PBX4: variants seen among roughly 807,000 people sequenced by gnomAD.
The protein encoded by PBX4 is PBX homeobox 4, also known as pre-B-cell leukemia transcription factor 4.
PBX4 carries 26 observed loss-of-function variants against 35.1 expected under a neutral mutation model. That is an observed-to-expected ratio of 0.74 (90% CI 0.54 to 1.03). The LOEUF (loss-of-function observed/expected upper bound fraction) is 1.03. PBX4 is among the 50% of genes least tolerant of loss of function. The probability of loss-of-function intolerance (pLI) is 0.00; values close to 1 mark genes in which losing one functional copy is unlikely to be tolerated. For synonymous variants in PBX4, 199 were observed against 204.2 expected, an observed-to-expected ratio of 0.97 and a Z score of 0.22; for missense variants, 448 against 504.3, an observed-to-expected ratio of 0.89 and a Z score of 1.07.
intron 2 of PBX4, among the ~76,000 whole-genome samples, chr19:19,577,389 C>G (rs560738536): frequency 1.3e-5 from 2 of 152,230 alleles, no homozygotes; most frequent in East Asian, 3.9e-4. Flanking sequence ...GGTACTGACA[C>G]CTACAAAGAT....
intron 1 of PBX4, among the ~76,000 whole-genome samples, chr19:19,607,018 AGT>A (rs1416042898): frequency 6.6e-6 from 1 of 152,072 alleles, no homozygotes; most frequent in African/African-American, 2.4e-5. Context: ...AAAAAACACA[AGT>A]ATATGACATA....
chr19:19,585,307 A>G (rs1407565054), intron 2 of PBX4, among the ~76,000 whole-genome samples: 5 of 152,006 alleles, frequency 3.3e-5, no homozygotes, highest in South Asian at 2.1e-4. Flanking sequence ...CCTGGGTGAC[A>G]GTGTGAGACT....
intron 1 of PBX4, among the ~76,000 whole-genome samples, chr19:19,602,884 A>T (rs907208939): frequency 6.6e-6 from 1 of 152,252 alleles, no homozygotes; most frequent in East Asian, 1.9e-4. Context: ...ATTCCCAATC[A>T]TCTTCTTCAT....
rs554048303 is a variant in PBX4, at chr19:19,569,305, C to T, written c.768+144G>A. 5.3e-6 allele frequency: 6 copies of T among 1,121,786 alleles called. No homozygotes were observed. In the East Asian group the frequency reaches 1.6e-4, roughly 30 times the overall value. 69.5% of individuals were successfully genotyped at this position (1,121,786 alleles called of 1,614,324 possible). On this transcript the variant is annotated intron_variant, in intron 5 of 7. Coordinates refer to ENST00000251203, the MANE Select transcript of PBX4 (RefSeq NM_025245.3). ...GAACTCCTGGCCTCAAGCGACCCTC[C>T]TACCTCATCCTCCCAAAGTGCTGGG...
chr19:19,590,510 C>T (rs1242070804), intron 2 of PBX4, among the ~76,000 whole-genome samples: 1 of 151,070 alleles, frequency 6.6e-6, no homozygotes, highest in East Asian at 1.9e-4. Context: ...GCTCTGTCAC[C>T]TAGGCTGGAG....
At chr19:19,572,854 CAAAA>C (rs36044843) in intron 2 of PBX4, among the ~76,000 whole-genome samples, 6 of 70,080 alleles carry the variant, frequency 8.6e-5, no homozygotes, top group Non-Finnish European at 1.7e-4. Flanking sequence ...GACTCCGTCT[CAAAA>C]AAAAAAAAAA....
intron 2 of PBX4, among the ~76,000 whole-genome samples, chr19:19,596,606 AG>A (rs2061562691): frequency 6.6e-6 from 1 of 152,118 alleles, no homozygotes; most frequent in Admixed American, 6.6e-5. Flanking sequence ...GAAAGGAATC[AG>A]GGCTCCTTAG....
chr19:19,614,963 C>A (rs1248683010), intron 1 of PBX4, among the ~76,000 whole-genome samples: 11 of 151,584 alleles, frequency 7.3e-5, no homozygotes, highest in Admixed American at 2.6e-4. Context: ...AGTTCAACAC[C>A]AGCCTAGCCA....
At chr19:19,612,094 C>T (rs928640621) in intron 1 of PBX4, among the ~76,000 whole-genome samples, 1 of 152,012 alleles carries the variant, frequency 6.6e-6, no homozygotes, top group African/African-American at 2.4e-5. Context: ...CATGGTGAAA[C>T]TGTGTCTCTA....
At chr19:19,577,099 T>A (rs2061424026) in intron 2 of PBX4, among the ~76,000 whole-genome samples, 6 of 151,194 alleles carry the variant, frequency 4.0e-5, no homozygotes. Context: ...TGGTGGTGCA[T>A]GCCTGTAATC....
intron 2 of PBX4, among the ~76,000 whole-genome samples, chr19:19,595,386 C>T (rs2061555071): frequency 6.6e-6 from 1 of 152,144 alleles, no homozygotes; most frequent in Admixed American, 6.6e-5. Flanking sequence ...TACAGGGCCC[C>T]CGCTTGTCCA....
chr19:19,572,982 A>C (rs1388894733), intron 2 of PBX4, among the ~76,000 whole-genome samples: 1 of 151,502 alleles, frequency 6.6e-6, no homozygotes, highest in East Asian at 1.9e-4. Flanking sequence ...AACCAGATCC[A>C]AGGACTGACC....
At chr19:19,595,718 G>A (rs998876810) in intron 2 of PBX4, among the ~76,000 whole-genome samples, 13 of 150,464 alleles carry the variant, frequency 8.6e-5, no homozygotes, top group Non-Finnish European at 1.8e-4. Context: ...GGCATATCAT[G>A]TGGGGGCTGT....
chr19:19,571,803 C>T (rs1259499732), intron 2 of PBX4, among the ~76,000 whole-genome samples: 1 of 151,994 alleles, frequency 6.6e-6, no homozygotes, highest in Non-Finnish European at 1.5e-5. Flanking sequence ...AAGGCTGAGG[C>T]GGGCGGATCA....
intron 2 of PBX4, among the ~76,000 whole-genome samples, chr19:19,582,274 G>A (rs931747342): frequency 1.3e-5 from 2 of 152,172 alleles, no homozygotes; most frequent in Admixed American, 1.3e-4. Context: ...TGTGCCCTCG[G>A]ACCTAAGTGA....
chr19:19,576,947 G>A (rs1198421591), intron 2 of PBX4, among the ~76,000 whole-genome samples: 2 of 152,088 alleles, frequency 1.3e-5, no homozygotes, highest in African/African-American at 4.8e-5. Context: ...AAAACCCACA[G>A]GACTTACTGT....
At chr19:19,587,242 A>T (rs1181008332) in intron 2 of PBX4, among the ~76,000 whole-genome samples, 2 of 152,056 alleles carry the variant, frequency 1.3e-5, no homozygotes, top group Non-Finnish European at 2.9e-5. Context: ...TAATAGCAAT[A>T]GAAAGGGTTT....
intron 2 of PBX4, among the ~76,000 whole-genome samples, chr19:19,575,464 TCTC>T (rs773484519): frequency 1.3e-4 from 20 of 151,860 alleles, no homozygotes; most frequent in Non-Finnish European, 1.8e-4. Context: ...AACCCTCCCC[TCTC>T]CTCCTAATCT....
At chr19:19,579,453 C>T (rs922433981) in intron 2 of PBX4, among the ~76,000 whole-genome samples, 9 of 152,282 alleles carry the variant, frequency 5.9e-5, no homozygotes, top group East Asian at 5.8e-4. Context: ...GGAACAAAGA[C>T]GTGGGGAAAA....
Sources: allele counts gnomAD v4.1 joint callset (sites outside exome capture counted in the v4.1 genomes callset), GRCh38; gene constraint gnomAD v4.1.1; transcripts MANE v1.5; gene names NCBI Gene and HGNC (gene_info 2026-07-23, HGNC 2026-07-21).